The following NELL1 variants were observed in gnomAD, a reference collection of about 807,000 sequenced individuals.
NELL1 encodes the protein neural EGFL like 1, also known as protein kinase C-binding protein NELL1.
NELL1 carries 76 observed loss-of-function variants against 107.4 expected under a neutral mutation model. That is an observed-to-expected ratio of 0.71 (90% confidence interval 0.59 to 0.86). The LOEUF (loss-of-function observed/expected upper bound fraction) is 0.86, where lower values mean the gene tolerates loss of function less well. Among genes scored for constraint, NELL1 ranks in the 40% least tolerant of loss-of-function variants. The pLI, the probability that NELL1 is intolerant of heterozygous loss-of-function variation, is 0.00. For missense variants in NELL1, 1,024 were observed against 1,005.5 expected, an observed-to-expected ratio of 1.02 and a Z score of -0.25; for synonymous variants, 353 against 341.2, an observed-to-expected ratio of 1.03 and a Z score of -0.38.
chr11:21,306,176 G>GA (rs1849600866), intron 14 of NELL1, among the ~76,000 whole-genome samples: 1 of 151,914 alleles, frequency 6.6e-6, no homozygotes, highest in Non-Finnish European at 1.5e-5. Flanking sequence ...ATCACACTCA[G>GA]AATTCTACGT....
chr11:21,327,142 G>A (rs1850161636), intron 14 of NELL1, among the ~76,000 whole-genome samples: 1 of 133,232 alleles, frequency 7.5e-6, no homozygotes, highest in South Asian at 2.4e-4. Context: ...TTGTGACAGT[G>A]AGTTCTCATG....
chr11:21,133,352 GC>G (rs1419900509), intron 13 of NELL1, among the ~76,000 whole-genome samples: 1 of 152,190 alleles, frequency 6.6e-6, no homozygotes, highest in African/African-American at 2.4e-5. Context: ...AGAACTGACA[GC>G]CCAGCCCCCA....
intron 13 of NELL1, among the ~76,000 whole-genome samples, chr11:21,115,175 A>C (rs1387578384): frequency 6.6e-6 from 1 of 152,006 alleles, no homozygotes; most frequent in East Asian, 1.9e-4. Context: ...AAGATGGAAA[A>C]TGTGTTATCT....
intron 3 of NELL1, among the ~76,000 whole-genome samples, chr11:20,820,377 C>G (rs1428807686): frequency 6.6e-6 from 1 of 152,178 alleles, no homozygotes; most frequent in African/African-American, 2.4e-5. Flanking sequence ...AAACTAGGTG[C>G]TGTGCTAGGA....
intron 10 of NELL1, among the ~76,000 whole-genome samples, chr11:20,938,725 T>A (rs560318405): frequency 6.6e-6 from 1 of 152,142 alleles, no homozygotes; most frequent in Non-Finnish European, 1.5e-5. Context: ...CCTAAAGCAA[T>A]AAAGGGAGCA....
intron 5 of NELL1, among the ~76,000 whole-genome samples, chr11:20,913,479 T>TTTTTTAATTG (rs1850177984): frequency 6.6e-6 from 1 of 152,098 alleles, no homozygotes; most frequent in African/African-American, 2.4e-5. Flanking sequence ...AATTTTCTAA[T>TTTTTTAATTG]TTTTTAATTG....
intron 14 of NELL1, among the ~76,000 whole-genome samples, chr11:21,282,060 A>G (rs781133714): frequency 6.6e-6 from 1 of 152,232 alleles, no homozygotes; most frequent in Non-Finnish European, 1.5e-5. Context: ...GTGAAAGACA[A>G]CCTACAGATG....
chr11:20,756,978 A>C (rs1263504969), intron 2 of NELL1, among the ~76,000 whole-genome samples: 1 of 152,084 alleles, frequency 6.6e-6, no homozygotes, highest in African/African-American at 2.4e-5. Flanking sequence ...AGGAACTAAG[A>C]CTGTTCAGAC....
chr11:20,881,724 T>C (rs1402057033), intron 4 of NELL1, among the ~76,000 whole-genome samples: 2 of 152,124 alleles, frequency 1.3e-5, no homozygotes, highest in African/African-American at 4.8e-5. Flanking sequence ...GTTTTTTTTT[T>C]CCCTTTCTGC....
intron 11 of NELL1, 30 bp downstream of exon 11, chr11:20,947,465 G>C: frequency 6.5e-7 from 1 of 1,531,510 alleles, no homozygotes; most frequent in Non-Finnish European, 9.1e-7. Flanking sequence ...GGCCATGCGT[G>C]GGGTGAGGCT....
chr11:21,168,131 AT>A (rs1856525250), intron 13 of NELL1, among the ~76,000 whole-genome samples: 1 of 151,836 alleles, frequency 6.6e-6, no homozygotes, highest in African/African-American at 2.4e-5. Flanking sequence ...GTGTTTAAGT[AT>A]TTGTAAAGTA....
At chr11:20,692,063 T>C (rs563340561) in intron 2 of NELL1, among the ~76,000 whole-genome samples, 2 of 152,026 alleles carry the variant, frequency 1.3e-5, no homozygotes, top group Admixed American at 1.3e-4. Flanking sequence ...TTTTCTAGTT[T>C]ATTTGCATAG....
chr11:21,244,000 G>A (rs964148395), intron 14 of NELL1, among the ~76,000 whole-genome samples: 1 of 152,052 alleles, frequency 6.6e-6, no homozygotes, highest in Non-Finnish European at 1.5e-5. Flanking sequence ...ATGCAACATT[G>A]TAGCATTTAT....
At chr11:21,509,878 A>G (rs553063034) in intron 15 of NELL1, among the ~76,000 whole-genome samples, 22 of 152,340 alleles carry the variant, frequency 1.4e-4, no homozygotes, top group Middle Eastern at 6.8e-3. Context: ...TGAGCAATAA[A>G]GAATTACTAG....
At chr11:21,573,057 T>C (rs1857140098) in intron 18 of NELL1, 128 bp from the exon 19 acceptor site, 1 of 705,272 alleles carries the variant, frequency 1.4e-6, no homozygotes, top group Middle Eastern at 3.6e-4. Flanking sequence ...GTGTACTTTA[T>C]CCTCAATGGT....
intron 15 of NELL1, among the ~76,000 whole-genome samples, chr11:21,374,129 C>T (rs1851415316): frequency 6.6e-6 from 1 of 152,094 alleles, no homozygotes; most frequent in African/African-American, 2.4e-5. Flanking sequence ...GAAAATCACC[C>T]TCTAAGAAGT....
At chr11:21,433,584 G>A (rs1003999233) in intron 15 of NELL1, among the ~76,000 whole-genome samples, 1 of 152,138 alleles carries the variant, frequency 6.6e-6, no homozygotes, top group South Asian at 2.1e-4. Context: ...ACTGGGGTAT[G>A]ATGAGACCTT....
At chr11:20,823,852 A>C (rs776811089) in intron 3 of NELL1, among the ~76,000 whole-genome samples, 1 of 151,278 alleles carries the variant, frequency 6.6e-6, no homozygotes, top group Non-Finnish European at 1.5e-5. Context: ...CCTGCCCCGA[A>C]GAAAGCCTCA....
intron 13 of NELL1, among the ~76,000 whole-genome samples, chr11:21,206,679 G>A (rs541110744): frequency 6.6e-6 from 1 of 152,062 alleles, no homozygotes; most frequent in Non-Finnish European, 1.5e-5. Context: ...ACTGATGAAG[G>A]GGGAGGAAAA....
Sources: allele counts gnomAD v4.1 joint callset (sites outside exome capture counted in the v4.1 genomes callset), GRCh38; gene constraint gnomAD v4.1.1; transcripts MANE v1.5; gene names NCBI Gene and HGNC (gene_info 2026-07-23, HGNC 2026-07-21).